Variants in VRTN observed in about 807,000 individuals in gnomAD.
VRTN encodes vertebrae development associated.
In VRTN, 5 loss-of-function variants were observed where a neutral mutation model predicts 18.2. That is an observed-to-expected ratio of 0.27 (90% CI 0.14 to 0.58). The LOEUF is 0.58. Ranked by LOEUF, VRTN falls within the 20% of genes least tolerant of loss-of-function variation. The pLI is 0.91. For missense variants in VRTN, 741 were observed against 939.4 expected (o/e 0.79, Z 2.76); for synonymous variants, 381 against 393.7 (o/e 0.97, Z 0.38).
At chr14:74,340,238 T>A (rs559550227) in intron 2 of VRTN, among the ~76,000 whole-genome samples, 1 of 151,116 alleles carries the variant, frequency 6.6e-6, no homozygotes, top group South Asian at 2.1e-4. Context: ...TCAGCCTCCC[T>A]AGTAGCTGGG....
intron 1 of VRTN, among the ~76,000 whole-genome samples, chr14:74,325,439 C>CA (rs1439650867): frequency 6.6e-6 from 1 of 151,628 alleles, no homozygotes; most frequent in Non-Finnish European, 1.5e-5. Context: ...GGTCAAAAAA[C>CA]AAAAAACAAA....
upstream of VRTN, chr14:74,303,041 G>A (rs1486676158): frequency 4.7e-5 from 49 of 1,036,104 alleles, no homozygotes; most frequent in Non-Finnish European, 6.3e-5. Flanking sequence ...GGGAGACGCG[G>A]ACTCTCCCGG....
At chr14:74,344,689 C>T (rs539978041), upstream of VRTN, among the ~76,000 whole-genome samples, 12 of 139,346 alleles carry the variant, frequency 8.6e-5, no homozygotes, top group Admixed American at 3.8e-4. Context: ...GAGCTGAGAT[C>T]GCGGCACTGC....
rs548859601 is a variant in VRTN, at chr14:74,358,520, G to C, written c.1737G>C (p.Glu579Asp). Residue 579 changes from glutamate (E) to aspartate (D), a missense_variant, in exon 2 of 2, where the codon GAG becomes GAC. Around this residue, in one of 3 missense-constraint regions of VRTN, gnomAD observed 494 missense variants for 546.5 expected, o/e 0.90. Coordinates refer to ENST00000256362, the MANE Select transcript of VRTN (RefSeq NM_018228.3). The surrounding 1 kb of genome is among the most constrained non-coding windows in gnomAD (Gnocchi z 5.4). ...GQEAEEKQEK[E>D]AGRDVTAVMA... ...AGGCTGAGGAGAAGCAGGAGAAGGAGGCTGGCAGGGATGTGACAGCTGTGA... is the reference window on the plus strand; with the variant it reads ...AGGCTGAGGAGAAGCAGGAGAAGGACGCTGGCAGGGATGTGACAGCTGTGA... 1 of 1,613,956 alleles carries C rather than the reference G, an allele frequency of 6.2e-7. No homozygotes were observed. Among genetic ancestry groups the C allele is most frequent in the South Asian group, 1.1e-5 (1 of 91,072 alleles).
intron 1 of VRTN, among the ~76,000 whole-genome samples, chr14:74,351,414 A>T (rs77784245): frequency 2.0e-5 from 3 of 151,732 alleles, no homozygotes; most frequent in African/African-American, 7.3e-5. Flanking sequence ...GTGAGAGGTT[A>T]TACCAGATTT....
At chr14:74,351,499 T>G (rs1052411990) in intron 1 of VRTN, among the ~76,000 whole-genome samples, 1 of 146,822 alleles carries the variant, frequency 6.8e-6, no homozygotes, top group Admixed American at 6.8e-5. Flanking sequence ...TACCAGGTTT[T>G]TTTTTTTTTT....
chr14:74,330,996 G>A (rs1183109496), intron 1 of VRTN, among the ~76,000 whole-genome samples: 3 of 149,826 alleles, frequency 2.0e-5, no homozygotes, highest in Non-Finnish European at 3.0e-5. Flanking sequence ...TCAGGAGATC[G>A]AGACCATCCT....
intron 1 of VRTN, among the ~76,000 whole-genome samples, chr14:74,310,378 C>CA (rs1017106944): frequency 2.0e-5 from 2 of 101,314 alleles, no homozygotes; most frequent in Admixed American, 1.2e-4. Context: ...GCCTGGGCAA[C>CA]AAACGCAAAA....
At chr14:74,305,028 T>C (rs2085335818) in intron 1 of VRTN, among the ~76,000 whole-genome samples, 1 of 152,068 alleles carries the variant, frequency 6.6e-6, no homozygotes, top group African/African-American at 2.4e-5. Context: ...TGTCTATTAC[T>C]GTAAACTTTT....
At chr14:74,354,307 A>G (rs1394302429) in intron 1 of VRTN, among the ~76,000 whole-genome samples, 1 of 152,144 alleles carries the variant, frequency 6.6e-6, no homozygotes, top group African/African-American at 2.4e-5. Flanking sequence ...TTGATATTAT[A>G]CCAAAACTTT....
upstream of VRTN, among the ~76,000 whole-genome samples, chr14:74,346,193 C>T (rs143044063): frequency 5.6e-3 from 851 of 151,982 alleles, 10 homozygotes; most frequent in African/African-American, 0.019. Context: ...GTCCCAGCTC[C>T]TCGGGAGGCT....
At chr14:74,313,771 A>G (rs1414070514) in intron 1 of VRTN, among the ~76,000 whole-genome samples, 1 of 152,188 alleles carries the variant, frequency 6.6e-6, no homozygotes, top group African/African-American at 2.4e-5. Flanking sequence ...GCTTGAGCTC[A>G]GGAGTTGGAG....
rs2085768828 is a variant in VRTN at position 74,360,000 on chromosome 14, G to C, written c.*1108G>C. 6.0e-6 allele frequency: 1 copy of C among 167,034 alleles called. No individual in the cohort carries two copies. Among genetic ancestry groups the C allele is most frequent in the Admixed American group, 6.6e-5 (1 of 15,260 alleles). 10.3% of individuals were successfully genotyped at this position (167,034 alleles called of 1,614,324 possible). A position where few individuals can be genotyped will look rare whatever the true frequency, so the allele number is the denominator to read the frequency against. On this transcript the variant is annotated 3_prime_UTR_variant, in exon 2 of 2. Coordinates refer to ENST00000256362, the MANE Select transcript of VRTN (RefSeq NM_018228.3). ...AAAACCAAAGAAATAAAGTGATGCAGTGCCCACAGTGCTTGGTCTCTGGTA... is the reference window on the plus strand; with the variant it reads ...AAAACCAAAGAAATAAAGTGATGCACTGCCCACAGTGCTTGGTCTCTGGTA...
chr14:74,313,546 A>G (rs1012234134), intron 1 of VRTN, among the ~76,000 whole-genome samples: 1 of 152,218 alleles, frequency 6.6e-6, no homozygotes, highest in Non-Finnish European at 1.5e-5. Flanking sequence ...AGAACAGCCT[A>G]TTAAATTTGT....
chr14:74,332,916 C>T (rs1369055177), intron 1 of VRTN, among the ~76,000 whole-genome samples: 1 of 152,132 alleles, frequency 6.6e-6, no homozygotes, highest in African/African-American at 2.4e-5. Flanking sequence ...GTCTCAGCTC[C>T]TCAGTGTCCT....
intron 1 of VRTN, among the ~76,000 whole-genome samples, chr14:74,353,630 C>A (rs993014055): frequency 6.6e-6 from 1 of 151,926 alleles, no homozygotes; most frequent in African/African-American, 2.4e-5. Flanking sequence ...GTATATTGTA[C>A]ACAAAATTAA....
chr14:74,314,337 T>TA (rs1326977554), intron 1 of VRTN, among the ~76,000 whole-genome samples: 1 of 151,554 alleles, frequency 6.6e-6, no homozygotes, highest in African/African-American at 2.4e-5. Context: ...TGTGTAATTG[T>TA]ATGTGACGTG....
At chr14:74,317,630 C>T (rs988860301) in intron 1 of VRTN, among the ~76,000 whole-genome samples, 6 of 151,924 alleles carry the variant, frequency 3.9e-5, no homozygotes, top group Admixed American at 2.0e-4. Context: ...GGTGAAACTC[C>T]GTTTCTACTA....
chr14:74,358,333 G>A lies in VRTN; in HGVS notation c.1550G>A (p.Arg517Lys). 5 of 1,613,278 alleles carry A rather than the reference G, an allele frequency of 3.1e-6. No homozygotes were observed. Among genetic ancestry groups the A allele is most frequent in the Non-Finnish European group, 4.2e-6 (5 of 1,179,796 alleles). Residue 517 changes from arginine (R) to lysine (K), a missense_variant, in exon 2 of 2, where the codon AGG becomes AAG. Arg to Lys is a conservative substitution (Grantham distance 26, BLOSUM62 2). Transcript: ENST00000256362. The surrounding 1 kb of genome is among the most constrained non-coding windows in gnomAD (Gnocchi z 5.4). ...AGGCGTCTGCGCAGGGCTGCCCGCA[G>A]GCAGGTGCTGAGTGGGCATCTCCCT... is the stretch of plus-strand genomic sequence containing the variant. ...WQRRLRRAAR[R>K]QVLSGHLPFC...
Sources: allele counts gnomAD v4.1 joint callset (sites outside exome capture counted in the v4.1 genomes callset), GRCh38; gene constraint gnomAD v4.1.1; regional missense constraint gnomAD v4.1.1; non-coding constraint Gnocchi (gnomAD v3.1); transcripts MANE v1.5; gene names NCBI Gene and HGNC (gene_info 2026-07-23, HGNC 2026-07-21).